FXYD3: variants seen among roughly 807,000 people sequenced by gnomAD.
FXYD3 encodes FXYD domain-containing ion transport regulator 3.
FXYD3 carries 13 observed loss-of-function variants against 19.2 expected under a neutral mutation model. That is an observed-to-expected ratio of 0.68 (90% CI 0.44 to 1.08). The LOEUF (loss-of-function observed/expected upper bound fraction) is 1.08. Among genes scored for constraint, FXYD3 ranks in the 50% least tolerant of loss-of-function variants. FXYD3 has a pLI of 0.00. For missense variants in FXYD3, 101 were observed against 109.4 expected (o/e 0.92, Z 0.34); for synonymous variants, 48 against 38.9 (o/e 1.23, Z -0.87).
chr19:35,119,563 T>G, intron 3 of FXYD3, 147 bp downstream of exon 3: 1 of 690,734 alleles, frequency 1.4e-6, no homozygotes, highest in South Asian at 1.8e-5. Context: ...AAAGTCAGAC[T>G]AGTGATAGCC....
Position 35,122,948 on chromosome 19 carries a change from A to C in FXYD3, c.203A>C (p.Lys68Thr). 1 of 1,597,220 alleles carries C rather than the reference A, an allele frequency of 6.3e-7. No individual in the cohort carries two copies. Among genetic ancestry groups the C allele is most frequent in the East Asian group, 2.2e-5 (1 of 44,764 alleles). Residue 68 changes from lysine (K) to threonine (T), a missense_variant, in exon 7 of 9, where the codon AAG (lysine) becomes ACG (threonine). Transcript: ENST00000604404. ...SAKCKCKFGQ[K>T]SGHHPGETPP... ...AAATGCAAATGCAAGTTTGGCCAGA[A>C]GTCCGGGTAAGATACTGTTCCGGCA...
chr19:35,118,468 C>G (rs975916986), intron 2 of FXYD3: 2 of 988,782 alleles, frequency 2.0e-6, no homozygotes, highest in African/African-American at 3.5e-5. Context: ...CTTGGTGCAG[C>G]CTTGCAGGCT....
intron 2 of FXYD3, chr19:35,117,413 G>T (rs1312204700): frequency 1.4e-6 from 2 of 1,417,834 alleles, no homozygotes; most frequent in African/African-American, 3.0e-5. Context: ...AGAGCATAGG[G>T]CTTTAAGATG....
intron 2 of FXYD3, chr19:35,117,395 A>G (rs1466625565): frequency 6.8e-7 from 1 of 1,466,428 alleles, no homozygotes; most frequent in Non-Finnish European, 9.0e-7. Flanking sequence ...CTCAACAGCC[A>G]TGGCGACAGA....
rs1359078323 is a variant in FXYD3, at chr19:35,124,194, G to T, written c.*737G>T. 1 of 152,412 alleles carries T rather than the reference G, an allele frequency of 6.6e-6. No individual in the cohort carries two copies. The highest frequency in any genetic ancestry group is 1.5e-5 in the Non-Finnish European group (1 of 68,082). The allele number at this position is 152,412 out of a possible 1,614,324, so 9.4% of individuals were successfully genotyped here. A position where few individuals can be genotyped will look rare whatever the true frequency, so the allele number is the denominator to read the frequency against. ...TTGAGACTCCCCAATACCTAATAAG[G>T]CATGCGAAATGTTCTCATGAACTAC... On this transcript the variant is annotated 3_prime_UTR_variant, in exon 9 of 9. Coordinates refer to ENST00000604404, the MANE Select transcript of FXYD3 (RefSeq NM_005971.4).
At chr19:35,122,703 A>G in intron 5 of FXYD3, 62 bp from the exon 6 acceptor site, 1 of 1,334,460 alleles carries the variant, frequency 7.5e-7, no homozygotes, top group Non-Finnish European at 1.1e-6. Flanking sequence ...TTGTCAAGAG[A>G]ATGGGGGGAC....
chr19:35,116,592 C>T, intron 2 of FXYD3: 3 of 985,268 alleles, frequency 3.0e-6, no homozygotes, highest in Non-Finnish European at 3.6e-6. Context: ...GAGGGCAGGA[C>T]TGATAAGTGT....
At position 35,123,263 on chromosome 19, in the gene FXYD3, C is replaced by T. The variant is rs745747079; in HGVS notation, c.210-8C>T. 58 of 1,585,262 alleles carry T rather than the reference C, an allele frequency of 3.7e-5. No homozygotes were observed. In the Admixed American group the frequency reaches 9.9e-4, roughly 27 times the overall value. ...CGGACACCAATCTCACCACTTTTGT[C>T]TCCTTAGTCACCATCCAGGGGAGAC... On this transcript the variant is annotated splice_polypyrimidine_tract_variant and splice_region_variant and intron_variant, in intron 7 of 8. Transcript: ENST00000604404.
In FXYD3 at chr19:35,122,856, G is replaced by A. The variant is rs150332087; in HGVS notation, c.172+17G>A. The A allele has an allele frequency of 1.1e-4, 178 of 1,613,698 alleles. No homozygotes were observed. Among genetic ancestry groups the A allele is most frequent in the African/African-American group, 2.0e-4 (15 of 74,922 alleles). On this transcript the variant is annotated intron_variant, in intron 6 of 8. Transcript: ENST00000604404. ...TCGTCATGAGTGAGTGGAGGAGCTCGGGGGAGCAGGCGGGCCGGGGCTGGG... is the reference window on the plus strand; with the variant it reads ...TCGTCATGAGTGAGTGGAGGAGCTCAGGGGAGCAGGCGGGCCGGGGCTGGG...
Position 35,121,219 on chromosome 19 carries a change from C to A in FXYD3, c.74-3C>A. On this transcript the variant is annotated splice_region_variant and splice_polypyrimidine_tract_variant and intron_variant, in intron 4 of 8. Coordinates refer to ENST00000604404, the MANE Select transcript of FXYD3 (RefSeq NM_005971.4). Reference sequence around the variant, plus strand: ...ATTCATGATCTTTTTTCTTTCCTTGCAGATAAAAACAGTCCTTTCTACTAT... The same window carrying A: ...ATTCATGATCTTTTTTCTTTCCTTGAAGATAAAAACAGTCCTTTCTACTAT... 1 of 1,613,808 alleles carries A rather than the reference C, an allele frequency of 6.2e-7. No individual in the cohort carries two copies. Among genetic ancestry groups the A allele is most frequent in the Non-Finnish European group, 8.5e-7 (1 of 1,179,782 alleles).
At position 35,122,753 on chromosome 19, in the gene FXYD3, CT is replaced by C; in HGVS notation, c.98-9del. 6.2e-7 allele frequency: 1 copy of C among 1,610,906 alleles called. No individual in the cohort carries two copies. The highest frequency in any genetic ancestry group is 8.5e-7 in the Non-Finnish European group (1 of 1,178,432). ...CAGGCTGGCACTGAGGTCCCCTCCA[CT>C]TTCCTCCTAGACTGGCACAGCCTCC... On this transcript the variant is annotated splice_polypyrimidine_tract_variant and intron_variant, in intron 5 of 8. Coordinates refer to ENST00000604404, the MANE Select transcript of FXYD3 (RefSeq NM_005971.4).
intron 3 of FXYD3, 54 bp from the exon 4 acceptor site, chr19:35,121,024 G>T (rs1473868896): frequency 1.9e-6 from 3 of 1,607,990 alleles, no homozygotes; most frequent in Non-Finnish European, 1.7e-6. Context: ...CTGCCCAAAG[G>T]CTTGGCTGAG....
chr19:35,123,167 G>T, intron 7 of FXYD3, 104 bp from the exon 8 acceptor site: 3 of 1,506,154 alleles, frequency 2.0e-6, no homozygotes, highest in Non-Finnish European at 2.7e-6. Context: ...CCCCCAAATG[G>T]AAAGGCAGCC....
chr19:35,117,757 C>CAAAAAAAAAAAAA lies in FXYD3; in HGVS notation c.-15+1405_-15+1406insAAAAAAAAAAAAA, dbSNP rs67977522. On this transcript the variant is annotated intron_variant, in intron 2 of 8. Coordinates refer to ENST00000604404, the MANE Select transcript of FXYD3 (RefSeq NM_005971.4). ...CCCAAAGCCTCAGGCTTTCTTCCCG[C>CAAAAAAAAAAAAA]AAAAAAAGGAAAAGAAATGGATGCT... Among the ~76,000 whole-genome samples, 20 of 65,720 alleles carry CAAAAAAAAAAAAA rather than the reference C, an allele frequency of 3.0e-4. 6 individuals are homozygous for CAAAAAAAAAAAAA. Among genetic ancestry groups the CAAAAAAAAAAAAA allele is most frequent in the South Asian group, 2.4e-3 (3 of 1,226 alleles). The allele number at this position is 65,720 out of a possible 152,430, so 43.1% of individuals were successfully genotyped here. A position where few individuals can be genotyped will look rare whatever the true frequency, so the allele number is the denominator to read the frequency against.
intron 3 of FXYD3, chr19:35,119,630 C>T (rs1037294478): frequency 1.8e-6 from 1 of 553,168 alleles, no homozygotes; most frequent in Non-Finnish European, 3.2e-6. Flanking sequence ...CTTCCCCATT[C>T]TCTCGATCTC....
intron 7 of FXYD3, 141 bp downstream of exon 7, chr19:35,123,095 T>A: frequency 1.4e-6 from 2 of 1,458,384 alleles, no homozygotes; most frequent in Non-Finnish European, 1.8e-6. Context: ...TTATTGTTTC[T>A]AGCTGGTAAT....
chr19:35,119,641 T>C (rs2064990015), intron 3 of FXYD3: 1 of 473,148 alleles, frequency 2.1e-6, no homozygotes, highest in Admixed American at 4.9e-5. Context: ...TCTCGATCTC[T>C]TCTTTTTTTT....
At chr19:35,122,867 C>G (rs374480336) in intron 6 of FXYD3, 28 bp downstream of exon 6, 6 of 1,613,582 alleles carry the variant, frequency 3.7e-6, no homozygotes, top group Non-Finnish European at 4.2e-6. Context: ...GGGGAGCAGG[C>G]GGGCCGGGGC....
chr19:35,123,065 T>G, intron 7 of FXYD3, 111 bp downstream of exon 7: 5 of 1,462,948 alleles, frequency 3.4e-6, no homozygotes, highest in Middle Eastern at 1.8e-4. Flanking sequence ...TTAGAGTTCC[T>G]GCCGCTAAGA....
Sources: allele counts gnomAD v4.1 joint callset (sites outside exome capture counted in the v4.1 genomes callset), GRCh38; gene constraint gnomAD v4.1.1; transcripts MANE v1.5; gene names NCBI Gene and HGNC (gene_info 2026-07-23, HGNC 2026-07-21).